Variants in CSGALNACT1 observed in about 807,000 individuals in gnomAD.
The protein encoded by CSGALNACT1 is beta4GalNAcT-1.
In CSGALNACT1, 52 loss-of-function variants were observed where a neutral mutation model predicts 51.0. The observed-to-expected ratio is 1.02, with a 90% CI of 0.82 to 1.29. The LOEUF is 1.29. Ranked by LOEUF, CSGALNACT1 falls within the 50% of genes most tolerant of loss-of-function variation. The pLI is 0.00. For missense variants in CSGALNACT1, 935 were observed against 679.2 expected (o/e 1.38, Z -4.19); for synonymous variants, 341 against 254.4 (o/e 1.34, Z -3.24).
At chr8:19,408,583 G>T in intron 9 of CSGALNACT1, 30 bp downstream of exon 8, 2 of 1,596,968 alleles carry the variant, frequency 1.3e-6, no homozygotes, top group Middle Eastern at 1.7e-4. Flanking sequence ...GTGGCCTCTG[G>T]GTGGCAGTAG....
intron 1 of CSGALNACT1, among the ~76,000 whole-genome samples, chr8:19,623,874 G>T (rs562373390): frequency 6.6e-6 from 1 of 152,350 alleles, no homozygotes; most frequent in Admixed American, 6.5e-5. Context: ...GACCTAAGAT[G>T]ATTTCTCTCT....
intron 4 of CSGALNACT1, among the ~76,000 whole-genome samples, chr8:19,492,810 C>T (rs1039885703): frequency 2.6e-5 from 4 of 152,158 alleles, no homozygotes; most frequent in Non-Finnish European, 5.9e-5. Context: ...GGAAATTCAT[C>T]TTTATAGTAA....
intron 1 of CSGALNACT1, among the ~76,000 whole-genome samples, chr8:19,700,349 G>A (rs1283051029): frequency 6.6e-6 from 1 of 152,114 alleles, no homozygotes; most frequent in Non-Finnish European, 1.5e-5. Context: ...ATTATAATGT[G>A]TTGCCATGGT....
chr8:19,719,063 T>C (rs569032935), intron 1 of CSGALNACT1, among the ~76,000 whole-genome samples: 20 of 152,192 alleles, frequency 1.3e-4, no homozygotes, highest in Non-Finnish European at 2.6e-4. Context: ...TGCTAAAACC[T>C]GAGAGCTAAA....
At chr8:19,730,430 C>A (rs928163687) in intron 1 of CSGALNACT1, among the ~76,000 whole-genome samples, 1 of 152,124 alleles carries the variant, frequency 6.6e-6, no homozygotes, top group African/African-American at 2.4e-5. Flanking sequence ...TAAAAATGTT[C>A]TGTATTGTTA....
intron 1 of CSGALNACT1, among the ~76,000 whole-genome samples, chr8:19,630,903 C>T (rs1016132034): frequency 6.6e-6 from 1 of 152,152 alleles, no homozygotes; most frequent in Non-Finnish European, 1.5e-5. Flanking sequence ...CAGTTTCCCC[C>T]TTTTATTTCC....
intron 8 of CSGALNACT1, among the ~76,000 whole-genome samples, chr8:19,415,435 G>A (rs1441122939): frequency 6.6e-6 from 1 of 152,176 alleles, no homozygotes; most frequent in Admixed American, 6.5e-5. Context: ...TGTGGTCTAG[G>A]AAAGGTCAAA....
At chr8:19,682,375 T>A (rs1290815567) in intron 1 of CSGALNACT1, 1 of 322,050 alleles carries the variant, frequency 3.1e-6, no homozygotes, top group Non-Finnish European at 6.2e-6. Flanking sequence ...TTCCTAGGGC[T>A]CTTCTTAATT....
chr8:19,566,203 G>T (rs1050581192), intron 3 of CSGALNACT1, among the ~76,000 whole-genome samples: 2 of 152,210 alleles, frequency 1.3e-5, no homozygotes, highest in Non-Finnish European at 2.9e-5. Context: ...GTCATCACAT[G>T]TATTCTTGTA....
chr8:19,732,863 C>T (rs2063766505), intron 1 of CSGALNACT1, among the ~76,000 whole-genome samples: 1 of 152,160 alleles, frequency 6.6e-6, no homozygotes, highest in African/African-American at 2.4e-5. Context: ...TCTAATTTAT[C>T]TATTTTGTAA....
intron 6 of CSGALNACT1, among the ~76,000 whole-genome samples, chr8:19,421,484 C>T (rs1467924313): frequency 1.3e-5 from 2 of 152,170 alleles, no homozygotes; most frequent in Non-Finnish European, 2.9e-5. Flanking sequence ...TTCAGCCTAG[C>T]AAATCCCTTT....
intron 1 of CSGALNACT1, among the ~76,000 whole-genome samples, chr8:19,667,198 A>T (rs567116837): frequency 1.5e-4 from 22 of 150,934 alleles, no homozygotes; most frequent in Non-Finnish European, 3.1e-4. Flanking sequence ...AAGTGGGTGG[A>T]TCGCTTGAGC....
At chr8:19,615,868 A>G (rs985731725) in intron 1 of CSGALNACT1, among the ~76,000 whole-genome samples, 13 of 152,252 alleles carry the variant, frequency 8.5e-5, no homozygotes, top group Non-Finnish European at 1.9e-4. Context: ...AGAACATGTG[A>G]AAAACGTCAA....
intron 3 of CSGALNACT1, among the ~76,000 whole-genome samples, chr8:19,566,874 C>T (rs2042008889): frequency 6.6e-6 from 1 of 152,212 alleles, no homozygotes; most frequent in South Asian, 2.1e-4. Context: ...GCCAACCCCC[C>T]TTTTTCTAAG....
intron 1 of CSGALNACT1, among the ~76,000 whole-genome samples, chr8:19,755,339 T>C (rs2154255074): frequency 6.6e-6 from 1 of 150,530 alleles, no homozygotes; most frequent in East Asian, 2.0e-4. Context: ...GATTCTCCAA[T>C]AAATAATCAA....
chr8:19,468,364 G>T (rs1299831322), intron 4 of CSGALNACT1, among the ~76,000 whole-genome samples: 1 of 152,184 alleles, frequency 6.6e-6, no homozygotes, highest in African/African-American at 2.4e-5. Flanking sequence ...ATGGGAGAAT[G>T]CTGGAAAGGC....
rs145783641 is a variant in CSGALNACT1, at chr8:19,471,379, C to A, written c.635-12737G>T. The stretch of plus-strand genomic sequence containing the variant: ...CTCCCTCCTTTTCTTTTTTTTCATT[C>A]CTGTCTTCTTTTGCTCTCTTTTCTC... On this transcript the variant is annotated intron_variant, in intron 4 of 9. Coordinates refer to ENST00000454498, the Ensembl canonical transcript of CSGALNACT1. Among the ~76,000 whole-genome samples, 8 of 152,002 alleles carry A rather than the reference C, an allele frequency of 5.3e-5. No homozygotes were observed. The East Asian group carries it at 1.5e-3, about 29-fold the overall frequency.
At chr8:19,614,108 G>C (rs1025529540) in intron 1 of CSGALNACT1, among the ~76,000 whole-genome samples, 1 of 152,152 alleles carries the variant, frequency 6.6e-6, no homozygotes, top group Admixed American at 6.5e-5. Context: ...TTTGAAATCT[G>C]TCACATTTGT....
intron 1 of CSGALNACT1, among the ~76,000 whole-genome samples, chr8:19,755,178 G>T (rs953865817): frequency 3.9e-5 from 6 of 152,050 alleles, no homozygotes; most frequent in African/African-American, 1.4e-4. Context: ...ATGGCATTAA[G>T]AACAGAGCTA....
Sources: allele counts gnomAD v4.1 joint callset (sites outside exome capture counted in the v4.1 genomes callset), GRCh38; gene constraint gnomAD v4.1.1; transcripts MANE v1.5; gene names NCBI Gene and HGNC (gene_info 2026-07-23, HGNC 2026-07-21).